FDFT1: variants seen among roughly 807,000 people sequenced by gnomAD.
FDFT1 encodes the protein squalene synthase.
In FDFT1, 68 loss-of-function variants were observed where a neutral mutation model predicts 46.8. The observed-to-expected ratio is 1.45, with a 90% CI of 1.19 to 1.78. The LOEUF (loss-of-function observed/expected upper bound fraction) is 1.78. Ranked by LOEUF, FDFT1 falls within the 40% of genes most tolerant of loss-of-function variation. FDFT1 has a pLI of 0.00. For missense variants in FDFT1, 928 were observed against 524.4 expected, an observed-to-expected ratio of 1.77 and a Z score of -7.52; for synonymous variants, 351 against 185.1, an observed-to-expected ratio of 1.90 and a Z score of -7.28.
At chr8:11,818,579 CTCT>C (rs1253836349) in intron 3 of FDFT1, among the ~76,000 whole-genome samples, 1 of 152,152 alleles carries the variant, frequency 6.6e-6, no homozygotes, top group Non-Finnish European at 1.5e-5. Context: ...AGATAGTTAG[CTCT>C]TCTTGTTGAA....
chr8:11,824,245 T>G (rs916871255), intron 4 of FDFT1, among the ~76,000 whole-genome samples: 1 of 152,198 alleles, frequency 6.6e-6, no homozygotes. Context: ...AATTATTGTA[T>G]GTGGATATTG....
At chr8:11,832,422 C>A (rs1049350605) in intron 7 of FDFT1, among the ~76,000 whole-genome samples, 1 of 151,452 alleles carries the variant, frequency 6.6e-6, no homozygotes, top group Admixed American at 6.6e-5. Flanking sequence ...TGGTGGTGCA[C>A]GCCTGTGGTC....
At chr8:11,801,475 A>G (rs907782392), upstream of FDFT1, among the ~76,000 whole-genome samples, 1 of 152,128 alleles carries the variant, frequency 6.6e-6, no homozygotes, top group Non-Finnish European at 1.5e-5. Flanking sequence ...GCCTGCCACC[A>G]TGCCTGGCTA....
In FDFT1 at chr8:11,838,471, C is replaced by T. The variant is rs1256563691; in HGVS notation, c.1116C>T (p.Pro372=). 5.0e-6 allele frequency: 8 copies of T among 1,606,402 alleles called. No individual in the cohort carries two copies. Among genetic ancestry groups the T allele is most frequent in the Non-Finnish European group, 6.8e-6 (8 of 1,175,524 alleles). The change falls in exon 8 of 8, where the codon CCC becomes CCT. Residue 372 remains proline (P), a synonymous_variant. Transcript: ENST00000220584. The part of the protein sequence containing the change: ...IISTIRTQNL[P]NCQLISRSHY... ...CCACCATCCGGACGCAGAATCTTCC[C>T]AACTGTCAGCTGATTTCCCGAAGCC... is the stretch of plus-strand genomic sequence containing the variant.
At chr8:11,827,086 TAG>T in intron 5 of FDFT1, among the ~76,000 whole-genome samples, 1 of 152,188 alleles carries the variant, frequency 6.6e-6, no homozygotes, top group Non-Finnish European at 1.5e-5. Flanking sequence ...AGAAGGAAAG[TAG>T]AAAATTTTAT....
intron 4 of FDFT1, among the ~76,000 whole-genome samples, chr8:11,822,608 G>A (rs114152703): frequency 0.011 from 1,623 of 152,256 alleles, 30 homozygotes; most frequent in African/African-American, 0.037. Context: ...GAGCCCAGGA[G>A]TTAGACACAA....
rs1208092922 is a variant in FDFT1 at position 11,807,081 on chromosome 8, TA to T, written c.100-1712del. On this transcript the variant is annotated intron_variant, in intron 1 of 7. Coordinates refer to ENST00000220584, the MANE Select transcript of FDFT1 (RefSeq NM_004462.5). ...CCCACCAGAGCCCAGGGTTCACTGT[TA>T]CCATTCTGAAGTGACTATGGAATTT... is the stretch of plus-strand genomic sequence containing the variant. Among the ~76,000 whole-genome samples, 5 of 126,352 alleles carry T rather than the reference TA, an allele frequency of 4.0e-5. 1 individual carries two copies. Among genetic ancestry groups the T allele is most frequent in the Non-Finnish European group, 9.1e-5 (5 of 54,964 alleles). The allele number at this position is 126,352 out of a possible 152,430, so 82.9% of individuals were successfully genotyped here.
At position 11,808,849 on chromosome 8, in the gene FDFT1, G is replaced by A; in HGVS notation, c.155G>A (p.Arg52His). 6.2e-7 allele frequency: 1 copy of A among 1,614,048 alleles called. No individual in the cohort carries two copies. The highest frequency in any genetic ancestry group is 8.5e-7 in the Non-Finnish European group (1 of 1,179,974). ...TCYKYLNQTS[R>H]SFAAVIQALD... is the part of the protein sequence containing the mutation. ...TACAAGTATCTCAATCAGACCAGTC[G>A]CAGTTTCGCAGCTGTTATCCAGGCG... Residue 52 changes from arginine to histidine, a missense_variant, in exon 2 of 8, where the codon CGC becomes CAC. Coordinates refer to ENST00000220584, the MANE Select transcript of FDFT1 (RefSeq NM_004462.5).
chr8:11,819,998 CTTTGAT>C (rs1268007561), intron 3 of FDFT1, among the ~76,000 whole-genome samples: 3 of 152,106 alleles, frequency 2.0e-5, no homozygotes, highest in Non-Finnish European at 2.9e-5. Context: ...TACCTTTGGT[CTTTGAT>C]TTTGGTGACG....
At chr8:11,828,282 C>A (rs959401602) in intron 5 of FDFT1, among the ~76,000 whole-genome samples, 4 of 150,598 alleles carry the variant, frequency 2.7e-5, no homozygotes, top group African/African-American at 9.7e-5. Context: ...CAGAGCAAAA[C>A]CCTTGTCTCA....
intron 3 of FDFT1, among the ~76,000 whole-genome samples, chr8:11,815,813 T>C (rs906571258): frequency 6.6e-6 from 1 of 152,242 alleles, no homozygotes; most frequent in Non-Finnish European, 1.5e-5. Context: ...TCCTATTCTG[T>C]AGGTTGCCTT....
chr8:11,806,462 A>G (rs150343334), intron 1 of FDFT1, among the ~76,000 whole-genome samples: 16 of 152,312 alleles, frequency 1.1e-4, no homozygotes, highest in Admixed American at 6.5e-4. Context: ...CAGGAAAAAG[A>G]GCAGCAGGGG....
chr8:11,838,448 A>G lies in FDFT1; in HGVS notation c.1093A>G (p.Thr365Ala), dbSNP rs780670590. The G allele has an allele frequency of 2.5e-6, 4 of 1,609,628 alleles. No homozygotes were observed. The highest frequency in any genetic ancestry group is 3.4e-6 in the Non-Finnish European group (4 of 1,177,532). ...SSSKTRQIIS[T>A]IRTQNLPNCQ... ...TAGCAAAACAAGGCAGATCATCTCC[A>G]CCATCCGGACGCAGAATCTTCCCAA... The change falls in exon 8 of 8, where the codon ACC (threonine) becomes GCC (alanine). Residue 365 changes from threonine (T) to alanine (A), a missense_variant. Physicochemically the swap from Thr to Ala is moderately conservative, Grantham distance 58 (BLOSUM62 0). Coordinates refer to ENST00000220584, the MANE Select transcript of FDFT1 (RefSeq NM_004462.5).
intron 5 of FDFT1, among the ~76,000 whole-genome samples, chr8:11,829,870 C>T (rs574833940): frequency 4.2e-4 from 63 of 151,770 alleles, no homozygotes; most frequent in African/African-American, 1.5e-3. Context: ...GTTTTTGTGA[C>T]GGAGTCTCAC....
intron 4 of FDFT1, among the ~76,000 whole-genome samples, chr8:11,824,960 C>G (rs1017443805): frequency 6.6e-6 from 1 of 152,058 alleles, no homozygotes. Flanking sequence ...TGGTCTTGAT[C>G]TCCTGATCTC....
intron 4 of FDFT1, among the ~76,000 whole-genome samples, chr8:11,825,680 C>A (rs777715687): frequency 2.4e-5 from 3 of 123,898 alleles, no homozygotes; most frequent in Non-Finnish European, 3.4e-5. Context: ...ATATGAGACT[C>A]CATCTCAAAA....
At chr8:11,820,256 C>T (rs561649673) in intron 3 of FDFT1, among the ~76,000 whole-genome samples, 22 of 152,204 alleles carry the variant, frequency 1.4e-4, no homozygotes, top group African/African-American at 4.1e-4. Flanking sequence ...AGGTGTCTGT[C>T]GGCCCCTACT....
intron 1 of FDFT1, chr8:11,803,223 C>T (rs558547206): frequency 7.1e-7 from 1 of 1,399,846 alleles, no homozygotes; most frequent in Non-Finnish European, 9.4e-7. Context: ...TCGGCGCTTA[C>T]CGGTATTTTA....
intron 1 of FDFT1, among the ~76,000 whole-genome samples, chr8:11,806,313 G>A (rs1397780206): frequency 6.6e-6 from 1 of 152,136 alleles, no homozygotes; most frequent in African/African-American, 2.4e-5. Context: ...TTTCTCCCCT[G>A]GCTCATGGGA....
Sources: gnomAD v4.1 joint callset for allele counts (sites outside exome capture counted in the v4.1 genomes callset) on GRCh38, gnomAD v4.1.1 for gene constraint, MANE v1.5 for transcripts, NCBI Gene and HGNC (gene_info 2026-07-23, HGNC 2026-07-21) for gene names.